The following ATP1A3 variants were observed in gnomAD, a reference collection of about 807,000 sequenced individuals.
ATP1A3 encodes sodium/potassium-transporting ATPase subunit alpha-3.
ATP1A3 carries 12 observed loss-of-function variants against 108.8 expected under a neutral mutation model. The ratio of observed to expected loss-of-function variants is 0.11; its 90% confidence interval spans 0.07 to 0.18. The LOEUF (loss-of-function observed/expected upper bound fraction) is 0.18, where lower values mean the gene tolerates loss of function less well. ATP1A3 is among the 10% of genes least tolerant of loss of function. ATP1A3 has a pLI of 1.00. For missense variants in ATP1A3, 498 were observed against 1,387.7 expected (o/e 0.36, Z 10.19); for synonymous variants, 539 against 564.5 (o/e 0.95, Z 0.64).
chr19:41,969,258 C>G (rs1029940825), intron 19 of ATP1A3, among the ~76,000 whole-genome samples, 177 bp downstream of exon 19: 2 of 152,130 alleles, frequency 1.3e-5, no homozygotes, highest in Non-Finnish European at 2.9e-5. Context: ...CAGTGGGACA[C>G]AAGGCTCCAG....
intron 19 of ATP1A3, 145 bp downstream of exon 19, chr19:41,969,290 C>T: frequency 4.3e-6 from 6 of 1,392,218 alleles, no homozygotes; most frequent in Non-Finnish European, 5.0e-6. Context: ...CAAGGGCATC[C>T]AGGAAGCCCC....
Position 41,985,873 on chromosome 19 carries a change from G to A in ATP1A3, c.597C>T (p.His199=), listed in dbSNP as rs139145792. Residue 199 remains histidine, a synonymous_variant, in exon 6 of 23, where the codon CAC becomes CAT. Coordinates refer to ENST00000648268, the MANE Select transcript of ATP1A3 (RefSeq NM_152296.5). This position sits in a 1 kb window ranked among gnomAD's most constrained non-coding sequence, Gnocchi z 8.2. ...CTAGGCCCAGGCCCACCTTGCAGCC[G>A]TGGGCTGAGATGATCCGCAGGTCAG... ...VPADLRIISA[H]GCKVDNSSLT... 5.9e-5 allele frequency: 95 copies of A among 1,614,016 alleles called. No individual in the cohort carries two copies. In the African/African-American group the frequency reaches 8.7e-4, roughly 15 times the overall value.
At chr19:41,989,484 C>T (rs558517106) in intron 1 of ATP1A3, among the ~76,000 whole-genome samples, 1 of 151,990 alleles carries the variant, frequency 6.6e-6, no homozygotes, top group Non-Finnish European at 1.5e-5. Context: ...ACGCCCGGCT[C>T]ATTTTTTTGT....
At position 41,985,368 on chromosome 19, in the gene ATP1A3, C is replaced by T. The variant is rs782125149; in HGVS notation, c.662G>A (p.Cys221Tyr). ...ESEPQTRSPD[C>Y]THDNPLETRN... Reference sequence around the variant, plus strand: ...AGTCTCCAAGGGGTTGTCGTGAGTGCAGTCGGGAGAGCGAGTCTGGGGCTC... The same window carrying T: ...AGTCTCCAAGGGGTTGTCGTGAGTGTAGTCGGGAGAGCGAGTCTGGGGCTC... Residue 221 changes from cysteine to tyrosine, a missense_variant, in exon 7 of 23, where the codon TGC becomes TAC. Physicochemically the swap from Cys to Tyr is radical, Grantham distance 194 (BLOSUM62 -2). Coordinates refer to ENST00000648268, the MANE Select transcript of ATP1A3 (RefSeq NM_152296.5). The surrounding 1 kb of genome is among the most constrained non-coding windows in gnomAD (Gnocchi z 8.2). The T allele has an allele frequency of 2.5e-6, 4 of 1,614,000 alleles. No homozygotes were observed. In the South Asian group the frequency reaches 3.3e-5, roughly 13 times the overall value.
Position 41,985,984 on chromosome 19 carries a change from G to T in ATP1A3, c.486C>A (p.Ile162=). Residue 162 remains isoleucine, a synonymous_variant, in exon 6 of 23, where the codon ATC becomes ATA. Transcript: ENST00000648268. The surrounding 1 kb of genome is among the most constrained non-coding windows in gnomAD (Gnocchi z 8.2). ...TCACCTGCATCTTCTCACCTTCCCGGATCACCAGGGCTTGCTGAGGTGGGA... is the reference window on the plus strand; with the variant it reads ...TCACCTGCATCTTCTCACCTTCCCGTATCACCAGGGCTTGCTGAGGTGGGA... ...KNMVPQQALV[I]REGEKMQVNA... is the part of the protein sequence containing the mutation. 1.2e-6 allele frequency: 2 copies of T among 1,614,116 alleles called. No homozygotes were observed. The highest frequency in any genetic ancestry group is 1.1e-5 in the South Asian group (1 of 91,088).
At position 41,988,161 on chromosome 19, in the gene ATP1A3, C is replaced by A; in HGVS notation, c.154-22G>T. On this transcript the variant is annotated intron_variant, in intron 3 of 22. Coordinates refer to ENST00000648268, the MANE Select transcript of ATP1A3 (RefSeq NM_152296.5). This position sits in a 1 kb window ranked among gnomAD's most constrained non-coding sequence, Gnocchi z 5.3. The stretch of plus-strand genomic sequence containing the variant: ...AACCCTGAGGGACAGAGGACTCACA[C>A]AGAACCCTCCCTGGGCAACCCTGGC... 2 of 1,614,106 alleles carry A rather than the reference C, an allele frequency of 1.2e-6. No homozygotes were observed. Among genetic ancestry groups the A allele is most frequent in the Non-Finnish European group, 1.7e-6 (2 of 1,179,986 alleles).
chr19:41,984,774 C>T, intron 8 of ATP1A3, 144 bp downstream of exon 8: 2 of 1,003,742 alleles, frequency 2.0e-6, no homozygotes, highest in South Asian at 3.4e-5. Context: ...GATCCCAGCC[C>T]CTCCTCCCCC....
rs1489485485 is a variant in ATP1A3, at chr19:41,993,669, G to A, written c.6+402C>T. 4.5e-5 allele frequency: 28 copies of A among 618,406 alleles called. No individual in the cohort carries two copies. The East Asian group carries it at 5.9e-4, about 13-fold the overall frequency. The allele number at this position is 618,406 out of a possible 1,614,324, so 38.3% of individuals were successfully genotyped here. A position where few individuals can be genotyped will look rare whatever the true frequency, so the allele number is the denominator to read the frequency against. On this transcript the variant is annotated intron_variant, in intron 1 of 22. Transcript: ENST00000648268. Reference sequence around the variant, plus strand: ...CAGGGGGGCCTCAATAACCCCAGACGCACTAACACGAGCTCTCACAGACAC... The same window carrying A: ...CAGGGGGGCCTCAATAACCCCAGACACACTAACACGAGCTCTCACAGACAC...
rs372030709 is a variant in ATP1A3, at chr19:41,973,438, G to T, written c.2263+2191C>A. ...GCCCTGCTAATTTTTAAAATTTTTT[G>T]ATCTTTGAGGTCTTAATTTGTTGTA... On this transcript the variant is annotated intron_variant, in intron 16 of 22. Coordinates refer to ENST00000648268, the MANE Select transcript of ATP1A3 (RefSeq NM_152296.5). 2.8e-4 allele frequency among the ~76,000 whole-genome samples: 42 copies of T among 152,140 alleles called. 1 individual carries two copies. The highest frequency in any genetic ancestry group is 8.9e-4 in the African/African-American group (37 of 41,532).
intron 11 of ATP1A3, among the ~76,000 whole-genome samples, chr19:41,979,729 G>C (rs1228973012): frequency 6.6e-6 from 1 of 152,160 alleles, no homozygotes. Context: ...TGAGAGATGT[G>C]GGGTTTCTTT....
intron 16 of ATP1A3, among the ~76,000 whole-genome samples, chr19:41,971,757 C>T (rs1599708521): frequency 6.6e-6 from 1 of 152,080 alleles, no homozygotes; most frequent in Non-Finnish European, 1.5e-5. Context: ...AGAGAGCAGA[C>T]AAAACCTAAA....
Position 41,978,846 on chromosome 19 carries a change from G to A in ATP1A3, c.1438-48C>T. 6.2e-7 allele frequency: 1 copy of A among 1,600,276 alleles called. No individual in the cohort carries two copies. Among genetic ancestry groups the A allele is most frequent in the Non-Finnish European group, 8.6e-7 (1 of 1,169,528 alleles). Reference sequence around the variant, plus strand: ...CGTGCCTGAGCCACGCAGACACCAGGAAGCTCCCTGCCCCATCCTGTCCCC... The same window carrying A: ...CGTGCCTGAGCCACGCAGACACCAGAAAGCTCCCTGCCCCATCCTGTCCCC... On this transcript the variant is annotated intron_variant, in intron 11 of 22. Coordinates refer to ENST00000648268, the MANE Select transcript of ATP1A3 (RefSeq NM_152296.5). The surrounding 1 kb of genome is among the most constrained non-coding windows in gnomAD (Gnocchi z 8.3).
chr19:41,984,198 C>G (rs1286576962), intron 8 of ATP1A3: 1 of 152,068 alleles, frequency 6.6e-6, no homozygotes, highest in Non-Finnish European at 1.5e-5. Flanking sequence ...TGAGCCACTG[C>G]GCCAGGCTTA....
chr19:41,980,486 C>T (rs1428606902), intron 11 of ATP1A3, among the ~76,000 whole-genome samples: 1 of 152,022 alleles, frequency 6.6e-6, no homozygotes, highest in Non-Finnish European at 1.5e-5. Context: ...TGGTGGTGCA[C>T]GCCTCTAATT....
chr19:41,967,069 G>T lies in ATP1A3; in HGVS notation c.3014-104C>A. 6.4e-7 allele frequency: 1 copy of T among 1,551,652 alleles called. No individual in the cohort carries two copies. The highest frequency in any genetic ancestry group is 8.7e-7 in the Non-Finnish European group (1 of 1,147,022). ...GAGGGACAGAGAGGGAGAGAGACAA[G>T]GAAACCACACAGACAGAGACCCGTG... On this transcript the variant is annotated intron_variant, in intron 22 of 22. Coordinates refer to ENST00000648268, the MANE Select transcript of ATP1A3 (RefSeq NM_152296.5). The surrounding 1 kb of genome is among the most constrained non-coding windows in gnomAD (Gnocchi z 4.2).
Position 41,968,354 on chromosome 19 carries a change from G to A in ATP1A3, c.2819+431C>T, listed in dbSNP as rs182733293. On this transcript the variant is annotated intron_variant, in intron 20 of 22. Coordinates refer to ENST00000648268, the MANE Select transcript of ATP1A3 (RefSeq NM_152296.5). The surrounding 1 kb of genome is among the most constrained non-coding windows in gnomAD (Gnocchi z 5.0). ...CATGGTGAAACTCTACTAAAAATAC[G>A]AAAAATTAGCCGAGCCTGGTGGTGC... is the stretch of plus-strand genomic sequence containing the variant. Among the ~76,000 whole-genome samples the A allele has an allele frequency of 2.6e-3, 399 of 152,020 alleles. 2 individuals carry two copies. Among genetic ancestry groups the A allele is most frequent in the African/African-American group, 9.4e-3 (389 of 41,488 alleles).
In ATP1A3 at chr19:41,967,026, C is replaced by T. The variant is rs868972800; in HGVS notation, c.3014-61G>A. The T allele has an allele frequency of 1.3e-5, 20 of 1,551,234 alleles. No individual in the cohort carries two copies. The highest frequency in any genetic ancestry group is 5.5e-5 in the African/African-American group (4 of 72,876). The stretch of plus-strand genomic sequence containing the variant: ...AAGAGATGGAGAGAGACAGGCAAGG[C>T]GAGCCGCCCAGCAGAGAGAGGGACA... On this transcript the variant is annotated intron_variant, in intron 22 of 22. Coordinates refer to ENST00000648268, the MANE Select transcript of ATP1A3 (RefSeq NM_152296.5). This position sits in a 1 kb window ranked among gnomAD's most constrained non-coding sequence, Gnocchi z 4.2.
At chr19:41,987,712 C>T (rs782149567) in intron 4 of ATP1A3, among the ~76,000 whole-genome samples, 5 of 152,136 alleles carry the variant, frequency 3.3e-5, no homozygotes, top group East Asian at 1.9e-4. Context: ...GACAGAGCCC[C>T]GGCTCACACA....
chr19:41,973,531 C>T (rs1477630106), intron 16 of ATP1A3, among the ~76,000 whole-genome samples: 7 of 152,146 alleles, frequency 4.6e-5, no homozygotes, highest in African/African-American at 9.7e-5. Context: ...GCTGGGATTA[C>T]AGGCGTGAGC....
Sources: gnomAD v4.1 joint callset for allele counts (sites outside exome capture counted in the v4.1 genomes callset) on GRCh38, gnomAD v4.1.1 for gene constraint, Gnocchi (gnomAD v3.1) non-coding constraint, MANE v1.5 for transcripts, NCBI Gene and HGNC (gene_info 2026-07-23, HGNC 2026-07-21) for gene names.